WDR43: variants seen among roughly 807,000 people sequenced by gnomAD.
WDR43 encodes WD repeat domain 43, also known as WD repeat-containing protein 43.
WDR43 carries 13 observed loss-of-function variants against 91.4 expected under a neutral mutation model. The observed-to-expected ratio is 0.14, with a 90% confidence interval of 0.09 to 0.23. The LOEUF (loss-of-function observed/expected upper bound fraction) is 0.23. Ranked by LOEUF, WDR43 falls within the 10% of genes least tolerant of loss-of-function variation. The pLI, the probability that WDR43 is intolerant of heterozygous loss-of-function variation, is 1.00. For missense variants in WDR43, 780 were observed against 809.4 expected (o/e 0.96, Z 0.44); for synonymous variants, 331 against 287.9 (o/e 1.15, Z -1.51).
chr2:28,944,713 G>T (rs1671509651), intron 16 of WDR43, among the ~76,000 whole-genome samples: 1 of 152,206 alleles, frequency 6.6e-6, no homozygotes, highest in Non-Finnish European at 1.5e-5. Flanking sequence ...TCGTGTAATT[G>T]TATTAGTAAG....
At chr2:28,927,390 G>C (rs1005861980) in intron 9 of WDR43, 179 bp from the exon 10 acceptor site, 1 of 735,076 alleles carries the variant, frequency 1.4e-6, no homozygotes, top group Non-Finnish European at 2.1e-6. Flanking sequence ...CAGTCTTTCA[G>C]ATTGTCACTT....
At chr2:28,944,390 T>G (rs1316938096) in intron 16 of WDR43, among the ~76,000 whole-genome samples, 2 of 152,218 alleles carry the variant, frequency 1.3e-5, no homozygotes, top group Non-Finnish European at 2.9e-5. Flanking sequence ...TAGATAGACT[T>G]TTCCCACATA....
intron 15 of WDR43, 113 bp from the exon 16 acceptor site, chr2:28,942,199 G>A: frequency 1.1e-6 from 1 of 931,234 alleles, no homozygotes; most frequent in Non-Finnish European, 1.7e-6. Context: ...CTCCATTATG[G>A]TGGTGGAGGG....
intron 10 of WDR43, 123 bp downstream of exon 10, chr2:28,927,823 A>G (rs1003498050): frequency 3.9e-6 from 5 of 1,290,506 alleles, no homozygotes; most frequent in South Asian, 1.5e-5. Flanking sequence ...TTCTCCTGTT[A>G]TGCTCTCTTT....
At chr2:28,907,992 A>G (rs1471622839) in intron 3 of WDR43, among the ~76,000 whole-genome samples, 2 of 152,150 alleles carry the variant, frequency 1.3e-5, no homozygotes, top group Admixed American at 6.5e-5. Context: ...AGCAATGTGT[A>G]GAGTTTAGGG....
In WDR43 at chr2:28,906,450, TAA is replaced by T. The variant is rs1558369556; in HGVS notation, c.364-9_364-8del. On this transcript the variant is annotated splice_region_variant and splice_polypyrimidine_tract_variant and intron_variant, in intron 2 of 17. Coordinates refer to ENST00000407426, the MANE Select transcript of WDR43 (RefSeq NM_015131.3). The stretch of plus-strand genomic sequence containing the variant: ...CAGCCTTAAATTTTTTTTTTTTTTT[TAA>T]TCTACAGAGTGGTGGACATGACAAC... 3.4e-6 allele frequency: 5 copies of T among 1,483,204 alleles called. No homozygotes were observed. Among genetic ancestry groups the T allele is most frequent in the Non-Finnish European group, 2.7e-6 (3 of 1,122,332 alleles). The allele number at this position is 1,483,204 out of a possible 1,614,324, so 91.9% of individuals were successfully genotyped here. A position where few individuals can be genotyped will look rare whatever the true frequency, so the allele number is the denominator to read the frequency against.
intron 16 of WDR43, among the ~76,000 whole-genome samples, chr2:28,943,747 A>G (rs930700593): frequency 6.6e-6 from 1 of 152,210 alleles, no homozygotes; most frequent in Admixed American, 6.5e-5. Flanking sequence ...CTGATAATTT[A>G]TATGGAACAA....
intron 3 of WDR43, among the ~76,000 whole-genome samples, chr2:28,910,660 C>G (rs184796882): frequency 8.5e-6 from 1 of 117,000 alleles, no homozygotes; most frequent in East Asian, 3.0e-4. Context: ...ATACAGATAA[C>G]GTGCGTGTGT....
rs892497493 is a variant in WDR43, at chr2:28,929,448, G to C, written c.1306-131G>C. On this transcript the variant is annotated intron_variant, in intron 10 of 17. Coordinates refer to ENST00000407426, the MANE Select transcript of WDR43 (RefSeq NM_015131.3). ...TGGTAATGAGGTTCTCTTGGAATAA[G>C]AATGAGCATATTAGTGTTTTCTAGG... 8 of 792,390 alleles carry C rather than the reference G, an allele frequency of 1.0e-5. No individual in the cohort carries two copies. The African/African-American group carries it at 1.3e-4, about 12-fold the overall frequency. The allele number at this position is 792,390 out of a possible 1,614,324, so 49.1% of individuals were successfully genotyped here. A position where few individuals can be genotyped will look rare whatever the true frequency, so the allele number is the denominator to read the frequency against.
At chr2:28,919,766 A>G (rs976335144) in intron 6 of WDR43, among the ~76,000 whole-genome samples, 3 of 152,218 alleles carry the variant, frequency 2.0e-5, no homozygotes, top group African/African-American at 4.8e-5. Flanking sequence ...TGCCCTCACT[A>G]TTCTGATAAT....
intron 11 of WDR43, among the ~76,000 whole-genome samples, chr2:28,931,775 T>C (rs537925569): frequency 1.3e-5 from 2 of 152,316 alleles, no homozygotes; most frequent in South Asian, 4.1e-4. Context: ...TTGTATAGGT[T>C]ACTTAGGTAG....
chr2:28,905,303 T>G (rs1180941233), intron 2 of WDR43, among the ~76,000 whole-genome samples: 5 of 152,174 alleles, frequency 3.3e-5, no homozygotes, highest in Non-Finnish European at 7.3e-5. Context: ...GCTAAGTGAG[T>G]TAGTCCTGGA....
chr2:28,930,007 T>C (rs1671211685), intron 11 of WDR43: 7 of 521,288 alleles, frequency 1.3e-5, no homozygotes, highest in South Asian at 1.1e-4. Flanking sequence ...ATAGTGTAGC[T>C]GAATGATAAT....
rs74325210 is a variant in WDR43 at position 28,945,838 on chromosome 2, C to T, written c.1805-612C>T. ...AGTTGCTAATATTTCATTATTAGTA[C>T]TTTATGGGTTAAATAATGCTAATTC... On this transcript the variant is annotated intron_variant, in intron 16 of 17. Coordinates refer to ENST00000407426, the MANE Select transcript of WDR43 (RefSeq NM_015131.3). Among the ~76,000 whole-genome samples the T allele has an allele frequency of 1.0e-3, 155 of 152,260 alleles. 3 individuals carry two copies. In the East Asian group the frequency reaches 0.023, roughly 23 times the overall value.
intron 11 of WDR43, chr2:28,930,033 T>A (rs779102552): frequency 4.0e-6 from 2 of 494,106 alleles, no homozygotes; most frequent in Non-Finnish European, 4.1e-6. Flanking sequence ...GCATTCTAGA[T>A]CACAATTTAT....
Position 28,894,687 on chromosome 2 carries a change from G to C in WDR43, c.-12G>C, listed in dbSNP as rs1255220630. ...CGGACGAACACGTGGCTGCAGCGGG[G>C]CCAGAGCAGCAATGGCGGCGGGCGG... is the stretch of plus-strand genomic sequence containing the variant. On this transcript the variant is annotated 5_prime_UTR_variant, in exon 1 of 18. Transcript: ENST00000407426. 1.9e-6 allele frequency: 3 copies of C among 1,551,580 alleles called. No individual in the cohort carries two copies. The highest frequency in any genetic ancestry group is 2.6e-6 in the Non-Finnish European group (3 of 1,147,716).
intron 1 of WDR43, among the ~76,000 whole-genome samples, chr2:28,901,669 G>GGGGC (rs919897764): frequency 6.6e-6 from 1 of 152,158 alleles, no homozygotes; most frequent in African/African-American, 2.4e-5. Context: ...CCTGTCAGGA[G>GGGGC]GGGCGGCCTG....
At chr2:28,919,854 T>G (rs1207881555) in intron 6 of WDR43, among the ~76,000 whole-genome samples, 1 of 149,884 alleles carries the variant, frequency 6.7e-6, no homozygotes, top group Non-Finnish European at 1.5e-5. Context: ...TTTTATTTTA[T>G]TTTTTTTGGA....
chr2:28,913,137 G>T (rs190825215), intron 4 of WDR43, among the ~76,000 whole-genome samples: 1 of 151,574 alleles, frequency 6.6e-6, no homozygotes, highest in Non-Finnish European at 1.5e-5. Context: ...GTATTTTTTA[G>T]TAGAGACAGG....
Sources: allele counts gnomAD v4.1 joint callset (sites outside exome capture counted in the v4.1 genomes callset), GRCh38; gene constraint gnomAD v4.1.1; transcripts MANE v1.5; gene names NCBI Gene and HGNC (gene_info 2026-07-23, HGNC 2026-07-21).